The following RALGAPA2 variants were observed in gnomAD, a reference collection of about 807,000 sequenced individuals.
The protein encoded by RALGAPA2 is ral GTPase-activating protein subunit alpha-2.
RALGAPA2 carries 139 observed loss-of-function variants against 230.4 expected under a neutral mutation model. That is an observed-to-expected ratio of 0.60 (90% CI 0.53 to 0.69). The LOEUF (loss-of-function observed/expected upper bound fraction) is 0.69, where lower values mean the gene tolerates loss of function less well. Ranked by LOEUF, RALGAPA2 falls within the 30% of genes least tolerant of loss-of-function variation. The pLI, the probability that RALGAPA2 is intolerant of heterozygous loss-of-function variation, is 0.00. For missense variants in RALGAPA2, 2,163 were observed against 2,276.0 expected, an observed-to-expected ratio of 0.95 and a Z score of 1.01; for synonymous variants, 847 against 837.8, an observed-to-expected ratio of 1.01 and a Z score of -0.19.
chr20:20,620,065 T>G (rs1365197952), intron 11 of RALGAPA2, among the ~76,000 whole-genome samples: 2 of 152,230 alleles, frequency 1.3e-5, no homozygotes, highest in Non-Finnish European at 2.9e-5. Flanking sequence ...TACAGGCCAC[T>G]GCACAACAAA....
intron 18 of RALGAPA2, among the ~76,000 whole-genome samples, chr20:20,585,273 T>C (rs1168274833): frequency 6.6e-6 from 1 of 152,216 alleles, no homozygotes; most frequent in African/African-American, 2.4e-5. Context: ...CAGGCACACA[T>C]ATATTGTGAA....
At chr20:20,444,061 G>T (rs2060804911) in intron 37 of RALGAPA2, among the ~76,000 whole-genome samples, 1 of 152,192 alleles carries the variant, frequency 6.6e-6, no homozygotes, top group Admixed American at 6.5e-5. Flanking sequence ...TGTGGGGTGG[G>T]TGCTGGGCAT....
intron 9 of RALGAPA2, among the ~76,000 whole-genome samples, chr20:20,632,515 A>C (rs921980837): frequency 3.3e-5 from 5 of 152,248 alleles, no homozygotes; most frequent in Non-Finnish European, 5.9e-5. Context: ...ACTTATTTTC[A>C]ATAAATACAG....
At chr20:20,590,201 T>C (rs996198249) in intron 17 of RALGAPA2, among the ~76,000 whole-genome samples, 1 of 152,080 alleles carries the variant, frequency 6.6e-6, no homozygotes, top group Non-Finnish European at 1.5e-5. Flanking sequence ...TACAACACAT[T>C]TCTTGAACTT....
intron 8 of RALGAPA2, among the ~76,000 whole-genome samples, chr20:20,636,344 CAACA>C (rs1359020179): frequency 1.3e-5 from 2 of 152,066 alleles, no homozygotes; most frequent in African/African-American, 4.8e-5. Context: ...GAAAAATGAT[CAACA>C]AATAACTTTT....
chr20:20,479,533 A>C (rs1179711314), intron 36 of RALGAPA2, among the ~76,000 whole-genome samples: 1 of 152,246 alleles, frequency 6.6e-6, no homozygotes, highest in African/African-American at 2.4e-5. Flanking sequence ...AAAGTCAGGT[A>C]ATCACCTCAA....
At chr20:20,527,059 G>A (rs1380403656) in intron 27 of RALGAPA2, among the ~76,000 whole-genome samples, 2 of 152,118 alleles carry the variant, frequency 1.3e-5, no homozygotes, top group African/African-American at 4.8e-5. Context: ...CATGCTGGGA[G>A]AGCACAGAAG....
At chr20:20,470,135 G>A (rs774327052) in intron 37 of RALGAPA2, among the ~76,000 whole-genome samples, 15 of 151,964 alleles carry the variant, frequency 9.9e-5, no homozygotes, top group Admixed American at 2.0e-4. Flanking sequence ...CTCAGCCAAG[G>A]GCTCCCAAAT....
At chr20:20,542,963 G>A (rs768611048) in intron 24 of RALGAPA2, among the ~76,000 whole-genome samples, 2 of 152,182 alleles carry the variant, frequency 1.3e-5, no homozygotes, top group East Asian at 3.8e-4. Context: ...TATCATTGGA[G>A]TGAACAGGCA....
chr20:20,640,267 T>C (rs1009020250), intron 6 of RALGAPA2, among the ~76,000 whole-genome samples: 5 of 152,210 alleles, frequency 3.3e-5, no homozygotes, highest in African/African-American at 4.8e-5. Flanking sequence ...AGGCCACTAT[T>C]GTCCTTCCAT....
At chr20:20,456,495 A>G (rs2061123651) in intron 37 of RALGAPA2, among the ~76,000 whole-genome samples, 1 of 152,228 alleles carries the variant, frequency 6.6e-6, no homozygotes, top group Admixed American at 6.5e-5. Context: ...CCTCCCTTGA[A>G]TCTAGGCTGG....
chr20:20,640,085 C>T (rs778533364), intron 6 of RALGAPA2, among the ~76,000 whole-genome samples, 185 bp from the exon 7 acceptor site: 25 of 152,318 alleles, frequency 1.6e-4, no homozygotes, highest in Middle Eastern at 3.4e-3. Flanking sequence ...GCCCACGAAG[C>T]GCCTTCTCCT....
chr20:20,503,998 TTA>T (rs2062456175), intron 34 of RALGAPA2, among the ~76,000 whole-genome samples: 1 of 152,190 alleles, frequency 6.6e-6, no homozygotes, highest in African/African-American at 2.4e-5. Context: ...TGCCGAAAGT[TTA>T]TGAGTCATAA....
chr20:20,685,035 G>A (rs988020706), intron 1 of RALGAPA2, among the ~76,000 whole-genome samples: 14 of 150,538 alleles, frequency 9.3e-5, no homozygotes, highest in African/African-American at 2.4e-4. Context: ...AGCAACCTGC[G>A]AAAAGAAACA....
At chr20:20,528,721 A>G (rs1196049105) in intron 27 of RALGAPA2, among the ~76,000 whole-genome samples, 4 of 152,198 alleles carry the variant, frequency 2.6e-5, no homozygotes, top group African/African-American at 9.6e-5. Flanking sequence ...TGCTCTGCAC[A>G]TTCATGGGTG....
At chr20:20,671,841 T>A (rs2068145010) in intron 3 of RALGAPA2, among the ~76,000 whole-genome samples, 1 of 152,056 alleles carries the variant, frequency 6.6e-6, no homozygotes, top group African/African-American at 2.4e-5. Context: ...GGCCAATGGA[T>A]CCATGACAAC....
At chr20:20,516,976 C>T (rs147326519) in intron 31 of RALGAPA2, among the ~76,000 whole-genome samples, 107 of 152,292 alleles carry the variant, frequency 7.0e-4, no homozygotes, top group African/African-American at 2.6e-3. Flanking sequence ...AAAGTCTGCA[C>T]CTCTACCCCA....
chr20:20,598,538 C>T, intron 16 of RALGAPA2: 1 of 245,160 alleles, frequency 4.1e-6, no homozygotes. Context: ...AGAGCAATTA[C>T]TAGCATTCAT....
At position 20,412,128 on chromosome 20, in the gene RALGAPA2, TAC is replaced by T; in HGVS notation, c.5514_5515del (p.Tyr1839SerfsTer54). On this transcript the variant is annotated frameshift_variant, in exon 38 of 40. Coordinates refer to ENST00000202677, the MANE Select transcript of RALGAPA2 (RefSeq NM_020343.4). LOFTEE classifies it high-confidence loss of function. ...GTGGTTCTGAATTATTGCTTCGAGA[TAC>T]AGAGCTCGCTCTTCATAGCTGCGGT... 1 of 1,613,966 alleles carries T rather than the reference TAC, an allele frequency of 6.2e-7. No individual in the cohort carries two copies.
Sources: gnomAD v4.1 joint callset for allele counts (sites outside exome capture counted in the v4.1 genomes callset) on GRCh38, gnomAD v4.1.1 for gene constraint, MANE v1.5 for transcripts, NCBI Gene and HGNC (gene_info 2026-07-23, HGNC 2026-07-21) for gene names.